Variants in CDH12 observed in about 807,000 individuals in gnomAD.
The protein encoded by CDH12 is cadherin 12.
In CDH12, 41 loss-of-function variants were observed where a neutral mutation model predicts 74.1. The observed-to-expected ratio is 0.55, with a 90% CI of 0.43 to 0.72. The LOEUF (loss-of-function observed/expected upper bound fraction) is 0.72, where lower values mean the gene tolerates loss of function less well. CDH12 is among the 30% of genes least tolerant of loss of function. CDH12 has a pLI of 0.00. For synonymous variants in CDH12, 399 were observed against 355.0 expected, an observed-to-expected ratio of 1.12 and a Z score of -1.39; for missense variants, 945 against 977.2, an observed-to-expected ratio of 0.97 and a Z score of 0.44.
chr5:21,919,382 AT>A (rs933554574), intron 6 of CDH12, among the ~76,000 whole-genome samples: 6 of 151,262 alleles, frequency 4.0e-5, no homozygotes, highest in East Asian at 1.9e-4. Flanking sequence ...TTGTAACCCT[AT>A]TTTTTTTTCC....
At chr5:22,700,367 A>G (rs1742652981) in intron 1 of CDH12, among the ~76,000 whole-genome samples, 1 of 152,042 alleles carries the variant, frequency 6.6e-6, no homozygotes, top group Non-Finnish European at 1.5e-5. Flanking sequence ...ACCTATGAGA[A>G]CTCTGTGTTT....
chr5:22,173,481 A>G (rs1749157761), intron 4 of CDH12, among the ~76,000 whole-genome samples: 1 of 149,944 alleles, frequency 6.7e-6, no homozygotes, highest in South Asian at 2.1e-4. Context: ...ATATAGAATT[A>G]GACTTTAGAT....
chr5:22,287,429 T>C lies in CDH12; in HGVS notation c.-332-74786A>G, dbSNP rs994286776. 3.3e-5 allele frequency among the ~76,000 whole-genome samples: 5 copies of C among 152,144 alleles called. 1 individual carries two copies. Among genetic ancestry groups the C allele is most frequent in the Admixed American group, 3.3e-4 (5 of 15,288 alleles). On this transcript the variant is annotated intron_variant, in intron 3 of 14. Coordinates refer to ENST00000382254, the MANE Select transcript of CDH12 (RefSeq NM_004061.5). ...AGTTAAAAATATAAAATTAATTTAA[T>C]AAAATGTATAACAGGCTGGGCGCGG...
At chr5:21,860,754 C>T (rs1451522790) in intron 6 of CDH12, among the ~76,000 whole-genome samples, 2 of 151,816 alleles carry the variant, frequency 1.3e-5, no homozygotes, top group African/African-American at 4.8e-5. Context: ...CTTGGACATA[C>T]ACCTGTGGTT....
intron 3 of CDH12, among the ~76,000 whole-genome samples, chr5:22,261,788 CAAAA>C (rs34114097): frequency 6.9e-5 from 10 of 144,484 alleles, no homozygotes; most frequent in Middle Eastern, 3.6e-3. Context: ...GAAAGAAAGC[CAAAA>C]AAAAAAAAAA....
chr5:22,380,347 T>C (rs1343688263), intron 3 of CDH12, among the ~76,000 whole-genome samples: 1 of 152,168 alleles, frequency 6.6e-6, no homozygotes, highest in Non-Finnish European at 1.5e-5. Context: ...CCCTTTTAAA[T>C]TATTTATTCT....
At chr5:22,302,001 A>G (rs559615104) in intron 3 of CDH12, among the ~76,000 whole-genome samples, 15 of 127,232 alleles carry the variant, frequency 1.2e-4, no homozygotes, top group African/African-American at 3.5e-4. Context: ...AGGTACATAT[A>G]TATATATGGA....
intron 3 of CDH12, among the ~76,000 whole-genome samples, chr5:22,317,460 A>C (rs979132437): frequency 1.3e-5 from 2 of 152,188 alleles, no homozygotes; most frequent in South Asian, 4.1e-4. Flanking sequence ...TGTATACATA[A>C]ATTTACACAC....
chr5:22,484,192 T>G (rs2126629571), intron 2 of CDH12, among the ~76,000 whole-genome samples: 1 of 152,238 alleles, frequency 6.6e-6, no homozygotes, highest in South Asian at 2.1e-4. Context: ...ATTTATGATT[T>G]ATTGAAAAGT....
At chr5:21,758,981 G>A (rs190217106) in intron 13 of CDH12, among the ~76,000 whole-genome samples, 53 of 152,180 alleles carry the variant, frequency 3.5e-4, no homozygotes, top group Admixed American at 2.0e-3. Flanking sequence ...GGGAGAAAGG[G>A]AGGAGACAAA....
At chr5:22,697,561 G>A (rs1359670985) in intron 1 of CDH12, among the ~76,000 whole-genome samples, 11 of 114,720 alleles carry the variant, frequency 9.6e-5, no homozygotes, top group Non-Finnish European at 1.5e-4. Context: ...GACAGAGCGA[G>A]ACTCTGTCTC....
At chr5:21,871,128 T>C (rs886788089) in intron 6 of CDH12, among the ~76,000 whole-genome samples, 1 of 152,118 alleles carries the variant, frequency 6.6e-6, no homozygotes, top group African/African-American at 2.4e-5. Flanking sequence ...TTAAAAAAAT[T>C]TCTGAAGATG....
chr5:22,300,555 A>G (rs912182792), intron 3 of CDH12, among the ~76,000 whole-genome samples: 8 of 152,230 alleles, frequency 5.3e-5, no homozygotes, highest in African/African-American at 1.7e-4. Context: ...CCAGTTTTCA[A>G]TTGAAAAACG....
intron 6 of CDH12, among the ~76,000 whole-genome samples, chr5:21,929,483 A>T (rs1754740057): frequency 1.3e-5 from 2 of 151,938 alleles, no homozygotes; most frequent in East Asian, 1.9e-4. Context: ...TTCTATGAGA[A>T]TCTAATGCTA....
At chr5:22,790,237 G>C (rs1012715979) in intron 1 of CDH12, among the ~76,000 whole-genome samples, 1 of 151,994 alleles carries the variant, frequency 6.6e-6, no homozygotes, top group Non-Finnish European at 1.5e-5. Flanking sequence ...CATTTAAAAA[G>C]AAATAACAGA....
chr5:22,721,555 G>A (rs548076243), intron 1 of CDH12, among the ~76,000 whole-genome samples: 2 of 152,152 alleles, frequency 1.3e-5, no homozygotes, highest in African/African-American at 4.8e-5. Flanking sequence ...ATGGACTTTC[G>A]AGTTAATATT....
chr5:22,264,740 G>C (rs933057774), intron 3 of CDH12, among the ~76,000 whole-genome samples: 1 of 152,052 alleles, frequency 6.6e-6, no homozygotes, highest in Admixed American at 6.6e-5. Flanking sequence ...ATATTGAATG[G>C]GTGAATTTGC....
intron 1 of CDH12, among the ~76,000 whole-genome samples, chr5:22,775,877 G>A (rs1364080695): frequency 6.6e-6 from 1 of 151,944 alleles, no homozygotes; most frequent in Non-Finnish European, 1.5e-5. Flanking sequence ...TTGAATTTTG[G>A]GGGCCGGTCT....
chr5:22,669,871 T>C (rs774990727), intron 1 of CDH12, among the ~76,000 whole-genome samples: 1 of 151,484 alleles, frequency 6.6e-6, no homozygotes, highest in African/African-American at 2.4e-5. Flanking sequence ...TCAGTAATTA[T>C]GCTATGGCAC....
Sources: gnomAD v4.1 joint callset for allele counts (sites outside exome capture counted in the v4.1 genomes callset) on GRCh38, gnomAD v4.1.1 for gene constraint, MANE v1.5 for transcripts, NCBI Gene and HGNC (gene_info 2026-07-23, HGNC 2026-07-21) for gene names.